The following PLEKHA2 variants were observed in gnomAD, a reference collection of about 807,000 sequenced individuals.
PLEKHA2 encodes the protein pleckstrin homology domain-containing family A member 2.
PLEKHA2 carries 28 observed loss-of-function variants against 53.2 expected under a neutral mutation model. That is an observed-to-expected ratio of 0.53 (90% CI 0.39 to 0.72). The LOEUF is 0.72. Ranked by LOEUF, PLEKHA2 falls within the 30% of genes least tolerant of loss-of-function variation. The pLI is 0.00. For synonymous variants in PLEKHA2, 193 were observed against 196.4 expected (o/e 0.98, Z 0.14); for missense variants, 426 against 537.9 (o/e 0.79, Z 2.06).
At chr8:38,911,861 A>T (rs1833959523) in intron 1 of PLEKHA2, among the ~76,000 whole-genome samples, 1 of 152,176 alleles carries the variant, frequency 6.6e-6, no homozygotes, top group Non-Finnish European at 1.5e-5. Flanking sequence ...CTGTAGTCCC[A>T]GCTACTGGGG....
At chr8:38,964,852 CTTTTTTTTTTTTTTT>C (rs56714628) in intron 10 of PLEKHA2, among the ~76,000 whole-genome samples, 11 of 54,968 alleles carry the variant, frequency 2.0e-4, no homozygotes, top group African/African-American at 5.9e-4. Flanking sequence ...TGTTACTTCC[CTTTTTTTTTTTTTTT>C]TTTTTTTTTT....
Position 38,934,515 on chromosome 8 carries a change from C to A in PLEKHA2, c.142-1479C>A, listed in dbSNP as rs149220837. Among the ~76,000 whole-genome samples, 3 of 151,896 alleles carry A rather than the reference C, an allele frequency of 2.0e-5. No individual in the cohort carries two copies. In the South Asian group the frequency reaches 6.2e-4, roughly 31 times the overall value. On this transcript the variant is annotated intron_variant, in intron 2 of 11. Coordinates refer to ENST00000617275, the MANE Select transcript of PLEKHA2 (RefSeq NM_021623.2). ...TTTTGGCAACAATTTAAGAGGTCAG[C>A]AGGAGCTATGGACAGAGTCTCAGAT...
intron 1 of PLEKHA2, among the ~76,000 whole-genome samples, chr8:38,907,787 A>G (rs1833900141): frequency 6.6e-6 from 1 of 150,834 alleles, no homozygotes; most frequent in African/African-American, 2.4e-5. Context: ...TAATCTATTC[A>G]TCTTTTCACT....
rs1835188328 is a variant in PLEKHA2, at chr8:38,968,851, TGG to T, written c.915+183_915+184del. 4 of 575,536 alleles carry T rather than the reference TGG, an allele frequency of 7.0e-6. No individual in the cohort carries two copies. In the South Asian group the frequency reaches 9.6e-5, roughly 14 times the overall value. The allele number at this position is 575,536 out of a possible 1,614,324, so 35.7% of individuals were successfully genotyped here. On this transcript the variant is annotated intron_variant, in intron 11 of 11. Transcript: ENST00000617275. ...GTACACATTTTTATTTTTCTCTGTT[TGG>T]TTGTGGGAGGAGGTGAGGTAGGGTT...
At chr8:38,940,938 C>T (rs151200261) in intron 3 of PLEKHA2, among the ~76,000 whole-genome samples, 143 of 151,586 alleles carry the variant, frequency 9.4e-4, no homozygotes, top group Admixed American at 2.0e-3. Flanking sequence ...AATCATTTTA[C>T]TTTTGGAATG....
intron 3 of PLEKHA2, among the ~76,000 whole-genome samples, chr8:38,936,303 C>T (rs1834493628): frequency 6.6e-6 from 1 of 152,176 alleles, no homozygotes; most frequent in Non-Finnish European, 1.5e-5. Context: ...ATAATGCTCC[C>T]AGCTCCTGCG....
chr8:38,941,912 A>G (rs1033598320), intron 3 of PLEKHA2, among the ~76,000 whole-genome samples: 1 of 152,150 alleles, frequency 6.6e-6, no homozygotes, highest in Non-Finnish European at 1.5e-5. Flanking sequence ...CTCAGTTCCC[A>G]TTTATTTGGG....
At chr8:38,927,241 G>A (rs1299580915) in intron 2 of PLEKHA2, among the ~76,000 whole-genome samples, 4 of 152,066 alleles carry the variant, frequency 2.6e-5, no homozygotes, top group Non-Finnish European at 4.4e-5. Context: ...AGACATGGTG[G>A]CTCATGTCTG....
rs1384565611 is a variant in PLEKHA2, at chr8:38,970,479, A to T, written c.*696A>T. ...AGATGTTATGAGTTGCTGGCCAGAG[A>T]TTCCTCAGATAAAAGAGCCTAGAAA... On this transcript the variant is annotated 3_prime_UTR_variant, in exon 12 of 12. Transcript: ENST00000617275. 6.3e-6 allele frequency: 1 copy of T among 158,758 alleles called. No homozygotes were observed. The highest frequency in any genetic ancestry group is 1.4e-5 in the Non-Finnish European group (1 of 71,616). The allele number at this position is 158,758 out of a possible 1,614,324, so 9.8% of individuals were successfully genotyped here. A position where few individuals can be genotyped will look rare whatever the true frequency, so the allele number is the denominator to read the frequency against.
chr8:38,930,186 CTTTATTTATTTATTTA>C (rs112146378), intron 2 of PLEKHA2, among the ~76,000 whole-genome samples: 40 of 150,598 alleles, frequency 2.7e-4, no homozygotes, highest in Admixed American at 1.9e-3. Flanking sequence ...AACCACCTAT[CTTTATTTATTTATTTA>C]TTTATTTATT....
At chr8:38,919,601 A>G (rs1834142443) in intron 2 of PLEKHA2, among the ~76,000 whole-genome samples, 1 of 152,202 alleles carries the variant, frequency 6.6e-6, no homozygotes, top group South Asian at 2.1e-4. Context: ...AATGTGGAAA[A>G]TGAGTTATGT....
intron 9 of PLEKHA2, 110 bp downstream of exon 9, chr8:38,953,477 C>T (rs1588270700): frequency 1.8e-6 from 2 of 1,130,972 alleles, no homozygotes; most frequent in East Asian, 2.4e-5. Context: ...TTCCAAGAGC[C>T]AGGCACAGGA....
chr8:38,954,787 C>T (rs930863300), intron 9 of PLEKHA2, among the ~76,000 whole-genome samples: 5 of 152,134 alleles, frequency 3.3e-5, no homozygotes, highest in Admixed American at 2.6e-4. Context: ...AATCCCAGCA[C>T]TTTGGGAGGC....
intron 2 of PLEKHA2, among the ~76,000 whole-genome samples, chr8:38,930,543 C>T (rs1370708599): frequency 6.6e-6 from 1 of 152,216 alleles, no homozygotes; most frequent in Non-Finnish European, 1.5e-5. Flanking sequence ...GCCCTGTGCC[C>T]TATGTGGTTC....
chr8:38,939,403 A>G (rs191057489), intron 3 of PLEKHA2, among the ~76,000 whole-genome samples: 2 of 152,354 alleles, frequency 1.3e-5, no homozygotes, highest in African/African-American at 2.4e-5. Context: ...TAATTCAGCA[A>G]TGAGTTGGTT....
chr8:38,970,808 A>G lies in PLEKHA2; in HGVS notation c.*1025A>G, dbSNP rs1835234834. The G allele has an allele frequency of 6.6e-6, 1 of 152,188 alleles. No individual in the cohort carries two copies. The highest frequency in any genetic ancestry group is 6.5e-5 in the Admixed American group (1 of 15,272). 9.4% of individuals were successfully genotyped at this position (152,188 alleles called of 1,614,324 possible). A position where few individuals can be genotyped will look rare whatever the true frequency, so the allele number is the denominator to read the frequency against. ...AGTGAAACTCCGTCTCAAAATATAA[A>G]AGAAAATTGAGTGTCCCACCCAAAT... On this transcript the variant is annotated 3_prime_UTR_variant, in exon 12 of 12. Transcript: ENST00000617275.
chr8:38,925,021 T>A (rs556769511), intron 2 of PLEKHA2, among the ~76,000 whole-genome samples: 2 of 152,318 alleles, frequency 1.3e-5, no homozygotes, highest in Non-Finnish European at 2.9e-5. Flanking sequence ...AACTTTTTTT[T>A]AAATTATAGT....
At chr8:38,912,975 C>T (rs186614529) in intron 1 of PLEKHA2, among the ~76,000 whole-genome samples, 6 of 152,204 alleles carry the variant, frequency 3.9e-5, no homozygotes, top group East Asian at 1.9e-4. Flanking sequence ...CCCTTGGGTC[C>T]GTGAGGGCCC....
chr8:38,913,370 G>GAAAAAAA (rs35218067), intron 1 of PLEKHA2, among the ~76,000 whole-genome samples: 3 of 134,394 alleles, frequency 2.2e-5, no homozygotes, highest in South Asian at 4.7e-4. Context: ...TCTCAAAAAG[G>GAAAAAAA]AAAAAAAAAA....
Sources: gnomAD v4.1 joint callset for allele counts (sites outside exome capture counted in the v4.1 genomes callset) on GRCh38, gnomAD v4.1.1 for gene constraint, MANE v1.5 for transcripts, NCBI Gene and HGNC (gene_info 2026-07-23, HGNC 2026-07-21) for gene names.